ZPBP: variants seen among roughly 807,000 people sequenced by gnomAD.
The protein encoded by ZPBP is zona pellucida binding protein.
ZPBP carries 26 observed loss-of-function variants against 44.8 expected under a neutral mutation model. That is an observed-to-expected ratio of 0.58 (90% confidence interval 0.43 to 0.81). ZPBP has a LOEUF of 0.81. Among genes scored for constraint, ZPBP ranks in the 30% least tolerant of loss-of-function variants. The pLI is 0.00. For missense variants in ZPBP, 409 were observed against 434.0 expected (o/e 0.94, Z 0.51); for synonymous variants, 174 against 153.2 (o/e 1.14, Z -1.00).
intron 7 of ZPBP, among the ~76,000 whole-genome samples, chr7:49,949,891 T>A (rs994804412): frequency 6.6e-6 from 1 of 151,972 alleles, no homozygotes; most frequent in South Asian, 2.1e-4. Flanking sequence ...AGAATTCACA[T>A]AGATATGGAA....
intron 3 of ZPBP, among the ~76,000 whole-genome samples, chr7:50,072,234 G>A (rs143105659): frequency 1.4e-3 from 213 of 152,328 alleles, no homozygotes; most frequent in African/African-American, 4.8e-3. Flanking sequence ...GCCTGGGGGT[G>A]GTGGTGGCTA....
At chr7:50,018,342 A>AGT in intron 5 of ZPBP, 26 bp from the exon 6 acceptor site, 1 of 1,456,162 alleles carries the variant, frequency 6.9e-7, no homozygotes, top group Non-Finnish European at 9.6e-7. Flanking sequence ...ATATTTTATC[A>AGT]TGGGTATAAT....
At chr7:49,935,585 G>A (rs1794594440), downstream of ZPBP, among the ~76,000 whole-genome samples, 1 of 152,128 alleles carries the variant, frequency 6.6e-6, no homozygotes, top group African/African-American at 2.4e-5. Flanking sequence ...TTTTAGTAGA[G>A]TTGGGGTTTC....
intron 1 of ZPBP, among the ~76,000 whole-genome samples, chr7:49,926,825 G>C (rs1794253316): frequency 6.6e-6 from 1 of 152,250 alleles, no homozygotes; most frequent in African/African-American, 2.4e-5. Flanking sequence ...AGGAAGGAGG[G>C]AAGGCCTTAG....
intron 2 of ZPBP, among the ~76,000 whole-genome samples, chr7:49,893,546 A>G (rs900919895): frequency 6.6e-6 from 1 of 152,118 alleles, no homozygotes; most frequent in Non-Finnish European, 1.5e-5. Context: ...GAAAACACAC[A>G]TGTCCACATG....
intron 7 of ZPBP, among the ~76,000 whole-genome samples, chr7:49,952,476 T>C (rs956386725): frequency 6.6e-6 from 1 of 152,064 alleles, no homozygotes; most frequent in African/African-American, 2.4e-5. Flanking sequence ...ATTTATTTCC[T>C]GTATAGCTTT....
chr7:49,867,056 A>C (rs1236157921), intron 2 of ZPBP, among the ~76,000 whole-genome samples: 1 of 152,214 alleles, frequency 6.6e-6, no homozygotes, highest in African/African-American at 2.4e-5. Flanking sequence ...CCATCTCGTT[A>C]GAGAGACAGA....
At chr7:50,010,804 T>C (rs1207929683) in intron 6 of ZPBP, among the ~76,000 whole-genome samples, 3 of 149,192 alleles carry the variant, frequency 2.0e-5, no homozygotes, top group Non-Finnish European at 4.4e-5. Flanking sequence ...TCAATGCAAT[T>C]CCCATCAAAA....
chr7:50,075,171 C>T (rs1182544604), intron 3 of ZPBP, among the ~76,000 whole-genome samples: 2 of 151,678 alleles, frequency 1.3e-5, no homozygotes, highest in Non-Finnish European at 3.0e-5. Flanking sequence ...CCTGAATGAC[C>T]AGTGGGTTGT....
intron 2 of ZPBP, among the ~76,000 whole-genome samples, chr7:49,868,359 G>C: frequency 6.6e-6 from 1 of 152,104 alleles, no homozygotes; most frequent in South Asian, 2.1e-4. Context: ...AAGTATTGAT[G>C]GTTCATTTCC....
At chr7:50,073,658 A>C (rs1482380996) in intron 3 of ZPBP, among the ~76,000 whole-genome samples, 2 of 152,186 alleles carry the variant, frequency 1.3e-5, no homozygotes, top group Non-Finnish European at 1.5e-5. Context: ...AAAAGCAGAA[A>C]GAAAAAACAA....
intron 7 of ZPBP, among the ~76,000 whole-genome samples, chr7:49,980,937 TACTG>T (rs1376366495): frequency 6.6e-6 from 1 of 151,740 alleles, no homozygotes; most frequent in Non-Finnish European, 1.5e-5. Flanking sequence ...TAAAATAGAC[TACTG>T]ACTATTCCTT....
At chr7:50,048,889 C>T (rs1178084996) in intron 4 of ZPBP, among the ~76,000 whole-genome samples, 1 of 151,752 alleles carries the variant, frequency 6.6e-6, no homozygotes, top group African/African-American at 2.4e-5. Flanking sequence ...ATCAATGAAA[C>T]CAAGACCAGT....
At chr7:50,067,577 A>C (rs866810319) in intron 3 of ZPBP, among the ~76,000 whole-genome samples, 1 of 152,200 alleles carries the variant, frequency 6.6e-6, no homozygotes, top group African/African-American at 2.4e-5. Context: ...TGCTTCTATC[A>C]GTAAAATATT....
At chr7:50,085,032 T>C (rs1802565726) in intron 2 of ZPBP, among the ~76,000 whole-genome samples, 1 of 152,082 alleles carries the variant, frequency 6.6e-6, no homozygotes, top group African/African-American at 2.4e-5. Context: ...TAATCTCCAG[T>C]ACTTCAGGAT....
chr7:50,053,957 C>T (rs1044988138), intron 4 of ZPBP, among the ~76,000 whole-genome samples: 3 of 152,086 alleles, frequency 2.0e-5, no homozygotes, highest in African/African-American at 4.8e-5. Context: ...TGGCATGATC[C>T]GGCTCACTGC....
chr7:49,843,837 A>G, the ZPBP span, among the ~76,000 whole-genome samples: 1 of 152,224 alleles, frequency 6.6e-6, no homozygotes, highest in African/African-American at 2.4e-5. Flanking sequence ...TAGAAAACGC[A>G]ATCTGTCAGT....
At chr7:49,877,290 C>T (rs1208266876) in intron 2 of ZPBP, among the ~76,000 whole-genome samples, 3 of 150,190 alleles carry the variant, frequency 2.0e-5, no homozygotes, top group Admixed American at 6.6e-5. Context: ...GGGGGAGCCC[C>T]GTGTCTACTA....
intron 7 of ZPBP, among the ~76,000 whole-genome samples, chr7:49,980,764 T>C (rs947004671): frequency 7.2e-5 from 11 of 152,118 alleles, no homozygotes; most frequent in Non-Finnish European, 1.2e-4. Context: ...CACTACGCCT[T>C]ACATCCCAAC....
Sources: allele counts gnomAD v4.1 joint callset (sites outside exome capture counted in the v4.1 genomes callset), GRCh38; gene constraint gnomAD v4.1.1; transcripts MANE v1.5; gene names NCBI Gene and HGNC (gene_info 2026-07-23, HGNC 2026-07-21).